The following GRIK2 variants were observed in gnomAD, a reference collection of about 807,000 sequenced individuals.
GRIK2 encodes glutamate receptor ionotropic, kainate 2.
GRIK2 carries 32 observed loss-of-function variants against 100.3 expected under a neutral mutation model. The ratio of observed to expected loss-of-function variants is 0.32; its 90% CI spans 0.24 to 0.43. GRIK2 has a LOEUF of 0.43. GRIK2 is among the 20% of genes least tolerant of loss of function. GRIK2 has a pLI of 1.00. For synonymous variants in GRIK2, 417 were observed against 389.4 expected (o/e 1.07, Z -0.83); for missense variants, 843 against 1,114.9 (o/e 0.76, Z 3.47).
chr6:102,032,739 A>C (rs970843560), intron 14 of GRIK2, among the ~76,000 whole-genome samples: 3 of 151,146 alleles, frequency 2.0e-5, no homozygotes. Context: ...TACCACTTTG[A>C]GGATCATTTA....
chr6:101,401,973 G>A (rs182104207), intron 2 of GRIK2, among the ~76,000 whole-genome samples: 269 of 152,172 alleles, frequency 1.8e-3, no homozygotes, highest in African/African-American at 5.8e-3. Context: ...CCGCCGCGGC[G>A]CTATGGCAAC....
intron 14 of GRIK2, among the ~76,000 whole-genome samples, chr6:101,963,509 C>CTTTTTTTTTTTTTTTTTTTTTTTTTT (rs770178884): frequency 1.9e-5 from 2 of 106,110 alleles, no homozygotes; most frequent in African/African-American, 3.8e-5. Context: ...TTCTTTCTTT[C>CTTTTTTTTTTTTTTTTTTTTTTTTTT]TTTTTTTTTT....
intron 2 of GRIK2, among the ~76,000 whole-genome samples, chr6:101,523,715 T>C (rs1316443525): frequency 6.8e-6 from 1 of 146,164 alleles, no homozygotes; most frequent in African/African-American, 2.5e-5. Context: ...TAATGACTCC[T>C]AAGTCTTTTT....
chr6:101,527,798 GTTCTT>G (rs1489010622), intron 2 of GRIK2, among the ~76,000 whole-genome samples: 2 of 152,172 alleles, frequency 1.3e-5, no homozygotes, highest in Admixed American at 6.5e-5. Context: ...GAAAATAGGT[GTTCTT>G]TTCTTATCTA....
chr6:101,484,616 A>AT (rs1381480732), intron 2 of GRIK2, among the ~76,000 whole-genome samples: 1 of 151,936 alleles, frequency 6.6e-6, no homozygotes, highest in East Asian at 1.9e-4. Context: ...ATATGAGGAA[A>AT]TGTCTAGGTA....
intron 11 of GRIK2, among the ~76,000 whole-genome samples, chr6:101,879,296 C>T (rs1280459587): frequency 7.2e-5 from 11 of 152,004 alleles, no homozygotes; most frequent in African/African-American, 2.4e-4. Context: ...TGTTTTAATT[C>T]ATGGTTTCTC....
intron 7 of GRIK2, among the ~76,000 whole-genome samples, chr6:101,794,904 C>T (rs1437499557): frequency 5.6e-5 from 8 of 142,128 alleles, no homozygotes; most frequent in African/African-American, 2.1e-4. Flanking sequence ...CTCACTTTGT[C>T]ACCCAGTCTG....
intron 14 of GRIK2, among the ~76,000 whole-genome samples, chr6:101,976,638 G>C (rs936626931): frequency 6.6e-6 from 1 of 151,838 alleles, no homozygotes; most frequent in Non-Finnish European, 1.5e-5. Flanking sequence ...AGTGAGCTAT[G>C]ATCATGCCAC....
chr6:101,826,352 G>C (rs1782329418), intron 10 of GRIK2, among the ~76,000 whole-genome samples: 1 of 151,940 alleles, frequency 6.6e-6, no homozygotes, highest in African/African-American at 2.4e-5. Context: ...ATTAGATAGG[G>C]CAAAAATCTA....
chr6:101,955,611 TCTCTCC>T (rs1443760767), intron 14 of GRIK2, among the ~76,000 whole-genome samples: 6 of 115,504 alleles, frequency 5.2e-5, no homozygotes, highest in East Asian at 6.4e-4. Context: ...TCTCTCTCTC[TCTCTCC>T]CCCCCATTTC....
intron 4 of GRIK2, among the ~76,000 whole-genome samples, chr6:101,642,478 G>A (rs575465218): frequency 5.3e-5 from 8 of 151,760 alleles, no homozygotes; most frequent in Non-Finnish European, 4.4e-5. Flanking sequence ...CATAGAAATC[G>A]ATTATACAGT....
At chr6:101,395,997 A>G (rs1331966697) in intron 1 of GRIK2, among the ~76,000 whole-genome samples, 1 of 152,208 alleles carries the variant, frequency 6.6e-6, no homozygotes, top group African/African-American at 2.4e-5. Context: ...ATCCAATAGC[A>G]GTAGTTTTCT....
intron 2 of GRIK2, among the ~76,000 whole-genome samples, chr6:101,514,992 C>T (rs969594075): frequency 1.3e-5 from 2 of 151,962 alleles, no homozygotes; most frequent in African/African-American, 4.8e-5. Flanking sequence ...TTAGTGCACC[C>T]ATCACCCAAA....
intron 2 of GRIK2, among the ~76,000 whole-genome samples, chr6:101,502,722 C>A (rs575437323): frequency 6.6e-6 from 1 of 152,034 alleles, no homozygotes; most frequent in Non-Finnish European, 1.5e-5. Flanking sequence ...GAATGGGTTC[C>A]AATTCAGTGT....
intron 2 of GRIK2, among the ~76,000 whole-genome samples, chr6:101,476,222 A>C (rs1772220212): frequency 1.3e-5 from 2 of 152,126 alleles, no homozygotes; most frequent in African/African-American, 4.8e-5. Flanking sequence ...AGATTGAACT[A>C]TTTGGAGAAC....
At chr6:101,793,822 A>C (rs113122314) in intron 7 of GRIK2, among the ~76,000 whole-genome samples, 1 of 152,164 alleles carries the variant, frequency 6.6e-6, no homozygotes, top group Non-Finnish European at 1.5e-5. Flanking sequence ...GGTGGAGCCT[A>C]CAGAGGCAGG....
chr6:101,410,165 A>AT, intron 2 of GRIK2, among the ~76,000 whole-genome samples: 1 of 152,112 alleles, frequency 6.6e-6, no homozygotes, highest in East Asian at 1.9e-4. Context: ...TGTGGTTTAA[A>AT]TTTTTTTCAC....
intron 2 of GRIK2, among the ~76,000 whole-genome samples, chr6:101,426,252 C>A (rs952234353): frequency 6.6e-6 from 1 of 152,146 alleles, no homozygotes; most frequent in Non-Finnish European, 1.5e-5. Flanking sequence ...TGACCTGTGG[C>A]AGGATTCTTA....
At chr6:102,067,170 G>A (rs965786423) in intron 16 of GRIK2, among the ~76,000 whole-genome samples, 6 of 151,522 alleles carry the variant, frequency 4.0e-5, no homozygotes, top group South Asian at 2.1e-4. Flanking sequence ...CATATATAAC[G>A]TGTTTTGATG....
Sources: gnomAD v4.1 joint callset for allele counts (sites outside exome capture counted in the v4.1 genomes callset) on GRCh38, gnomAD v4.1.1 for gene constraint, MANE v1.5 for transcripts, NCBI Gene and HGNC (gene_info 2026-07-23, HGNC 2026-07-21) for gene names.